Variants in DNAH9 observed in about 807,000 individuals in gnomAD.
The protein encoded by DNAH9 is dynein axonemal heavy chain 9, also known as DNAH9 variant protein.
In DNAH9, 345 loss-of-function variants were observed where a neutral mutation model predicts 471.6. The ratio of observed to expected loss-of-function variants is 0.73; its 90% CI spans 0.67 to 0.80. The LOEUF is 0.80. DNAH9 is among the 30% of genes least tolerant of loss of function. The pLI, the probability that DNAH9 is intolerant of heterozygous loss-of-function variation, is 0.00. For synonymous variants in DNAH9, 2,093 were observed against 2,123.6 expected (o/e 0.99, Z 0.40); for missense variants, 5,407 against 5,609.2 (o/e 0.96, Z 1.15).
At chr17:11,822,384 C>G in intron 46 of DNAH9, 54 bp from the exon 47 acceptor site, 1 of 1,600,970 alleles carries the variant, frequency 6.2e-7, no homozygotes, top group Non-Finnish European at 8.5e-7. Flanking sequence ...TCTGCCTCTC[C>G]GTGAGTATTT....
At chr17:11,910,148 G>A (rs1973744921) in intron 61 of DNAH9, among the ~76,000 whole-genome samples, 1 of 152,120 alleles carries the variant, frequency 6.6e-6, no homozygotes, top group Admixed American at 6.5e-5. Context: ...CCAGCTACTG[G>A]GGAGGCTGAG....
chr17:11,751,491 G>T (rs1230805944), intron 32 of DNAH9, among the ~76,000 whole-genome samples: 1 of 151,860 alleles, frequency 6.6e-6, no homozygotes, highest in Non-Finnish European at 1.5e-5. Flanking sequence ...ACAAACTAAA[G>T]GGGAAAATCA....
At chr17:11,796,816 T>C (rs148956642) in intron 42 of DNAH9, among the ~76,000 whole-genome samples, 7 of 152,370 alleles carry the variant, frequency 4.6e-5, no homozygotes, top group African/African-American at 1.7e-4. Flanking sequence ...TAGTTCCTTT[T>C]TGTCTCCACT....
chr17:11,915,401 G>A (rs1273910112), intron 61 of DNAH9, among the ~76,000 whole-genome samples: 1 of 152,078 alleles, frequency 6.6e-6, no homozygotes, highest in Non-Finnish European at 1.5e-5. Flanking sequence ...GCACGCACCT[G>A]TAGTCCCAGC....
intron 14 of DNAH9, among the ~76,000 whole-genome samples, chr17:11,655,280 GT>G (rs907395370): frequency 6.6e-6 from 1 of 151,500 alleles, no homozygotes; most frequent in African/African-American, 2.4e-5. Context: ...TAGAATAATG[GT>G]CTCCAAGTCC....
intron 10 of DNAH9, among the ~76,000 whole-genome samples, chr17:11,644,074 G>A (rs1426401646): frequency 1.3e-5 from 2 of 152,126 alleles, no homozygotes; most frequent in African/African-American, 2.4e-5. Flanking sequence ...ACTTTTATAC[G>A]ATTGGCAGCA....
intron 45 of DNAH9, among the ~76,000 whole-genome samples, chr17:11,819,849 A>G (rs1970248356): frequency 6.6e-6 from 1 of 152,330 alleles, no homozygotes; most frequent in South Asian, 2.1e-4. Flanking sequence ...CAACTTGTGA[A>G]TATTCTCTTA....
At chr17:11,815,199 G>GT (rs11429811) in intron 45 of DNAH9, among the ~76,000 whole-genome samples, 134,207 of 148,328 alleles carry the variant, frequency 0.9, 61,481 homozygotes, top group Non-Finnish European at 0.97. Context: ...GTAATAAACT[G>GT]TTTTTTTTTT....
chr17:11,810,448 AG>A, intron 45 of DNAH9, 79 bp downstream of exon 45: 1 of 1,532,998 alleles, frequency 6.5e-7, no homozygotes, highest in Non-Finnish European at 8.8e-7. Flanking sequence ...GATTTCGTCC[AG>A]GGTGGGAAGA....
At chr17:11,680,990 G>A in intron 19 of DNAH9, 101 bp downstream of exon 19, 1 of 1,127,802 alleles carries the variant, frequency 8.9e-7, no homozygotes. Context: ...AGCAGCTGCA[G>A]ACCAGTTAAT....
chr17:11,729,693 A>G (rs1404461865), intron 28 of DNAH9, among the ~76,000 whole-genome samples: 1 of 152,162 alleles, frequency 6.6e-6, no homozygotes, highest in African/African-American at 2.4e-5. Context: ...AACATCATGC[A>G]AAAGGTCATC....
At chr17:11,615,303 G>T (rs534305180) in intron 4 of DNAH9, among the ~76,000 whole-genome samples, 1 of 152,044 alleles carries the variant, frequency 6.6e-6, no homozygotes. Context: ...GTATGAGCTC[G>T]GCTGGGCACA....
chr17:11,663,100 G>C (rs1378424961), intron 14 of DNAH9, among the ~76,000 whole-genome samples: 1 of 152,114 alleles, frequency 6.6e-6, no homozygotes, highest in Non-Finnish European at 1.5e-5. Context: ...CTCTGGAATC[G>C]AGCAGCTCTA....
chr17:11,807,690 A>G, intron 43 of DNAH9, 42 bp from the exon 44 acceptor site: 1 of 1,569,790 alleles, frequency 6.4e-7, no homozygotes, highest in Non-Finnish European at 8.7e-7. Context: ...TGACTGCAGA[A>G]AGTCTGATCA....
intron 30 of DNAH9, among the ~76,000 whole-genome samples, chr17:11,743,299 G>A (rs903277038): frequency 1.4e-4 from 22 of 152,112 alleles, no homozygotes; most frequent in African/African-American, 5.1e-4. Context: ...CTATGTTCTG[G>A]ATATTTCTCA....
intron 41 of DNAH9, among the ~76,000 whole-genome samples, chr17:11,789,588 T>G (rs548761151): frequency 4.3e-4 from 65 of 152,136 alleles, no homozygotes; most frequent in Non-Finnish European, 7.5e-4. Context: ...TGCTAGGGAG[T>G]TAGCAATTGT....
Position 11,669,244 on chromosome 17 carries a change from G to T in DNAH9, c.2912G>T (p.Gly971Val). The T allele has an allele frequency of 6.2e-7, 1 of 1,613,462 alleles. No individual in the cohort carries two copies. The highest frequency in any genetic ancestry group is 8.5e-7 in the Non-Finnish European group (1 of 1,179,696). The change falls in exon 16 of 69, where the codon GGC (glycine) becomes GTC (valine). Residue 971 changes from glycine (G) to valine (V), a missense_variant. Around this residue, in one of 3 missense-constraint regions of DNAH9, gnomAD observed 4,636 missense variants for 4,900.3 expected, o/e 0.95. Coordinates refer to ENST00000262442, the MANE Select transcript of DNAH9 (RefSeq NM_001372.4). ...SLVPRLSPQN[G>V]SPHYQVDLDG... ...GTGCCACGGCTTTCCCCACAAAATG[G>T]CTCTCCTCACTATCAGGTACTGGAG...
At chr17:11,608,456 G>T in intron 2 of DNAH9, 131 bp downstream of exon 2, 1 of 734,654 alleles carries the variant, frequency 1.4e-6, no homozygotes, top group Non-Finnish European at 2.2e-6. Context: ...CCTACTGTCT[G>T]CTCTGTTTGC....
intron 29 of DNAH9, among the ~76,000 whole-genome samples, chr17:11,740,038 C>T (rs1028289593): frequency 2.6e-5 from 4 of 152,140 alleles, no homozygotes; most frequent in Admixed American, 6.6e-5. Flanking sequence ...GGCAAATTCC[C>T]GTGTCGCTGG....
Sources: gnomAD v4.1 joint callset for allele counts (sites outside exome capture counted in the v4.1 genomes callset) on GRCh38, gnomAD v4.1.1 for gene constraint, gnomAD v4.1.1 regional missense constraint, MANE v1.5 for transcripts, NCBI Gene and HGNC (gene_info 2026-07-23, HGNC 2026-07-21) for gene names.